LRP1: variants seen among roughly 807,000 people sequenced by gnomAD.
LRP1 encodes prolow-density lipoprotein receptor-related protein 1.
A neutral mutation model predicts 541.5 loss-of-function variants in LRP1; 51 were observed. The ratio of observed to expected loss-of-function variants is 0.09; its 90% CI spans 0.08 to 0.12. The LOEUF (loss-of-function observed/expected upper bound fraction) is 0.12, where lower values mean the gene tolerates loss of function less well. LRP1 is among the 10% of genes least tolerant of loss of function. The pLI, the probability that LRP1 is intolerant of heterozygous loss-of-function variation, is 1.00. For synonymous variants in LRP1, 2,219 were observed against 2,470.8 expected (o/e 0.90, Z 3.02); for missense variants, 3,878 against 6,376.2 (o/e 0.61, Z 13.34).
intron 22 of LRP1, among the ~76,000 whole-genome samples, chr12:57,175,140 G>T (rs1233744324): frequency 6.6e-6 from 1 of 152,142 alleles, no homozygotes; most frequent in Non-Finnish European, 1.5e-5. Flanking sequence ...GAGGCAAAAA[G>T]CTGGGGCCCC....
chr12:57,195,482 G>A lies in LRP1; in HGVS notation c.8437+83G>A, dbSNP rs529337599. The A allele has an allele frequency of 2.0e-4, 321 of 1,583,960 alleles. 1 individual carries two copies. In the African/African-American group the frequency reaches 3.7e-3, roughly 18 times the overall value. Reference sequence around the variant, plus strand: ...CAGATGGGGAAGCCGGGGTGCAGGAGAGGAAATGCCTCAGCGGGGTCCACT... The same window carrying A: ...CAGATGGGGAAGCCGGGGTGCAGGAAAGGAAATGCCTCAGCGGGGTCCACT... On this transcript the variant is annotated intron_variant, in intron 52 of 88. Coordinates refer to ENST00000243077, the MANE Select transcript of LRP1 (RefSeq NM_002332.3).
At chr12:57,193,352 GTCC>G in intron 46 of LRP1, 48 bp downstream of exon 46, 1 of 1,600,442 alleles carries the variant, frequency 6.2e-7, no homozygotes, top group Non-Finnish European at 8.5e-7. Context: ...CAGAGCCCAG[GTCC>G]TCCTCCCCCA....
Position 57,179,119 on chromosome 12 carries a change from C to T in LRP1, c.4738+98C>T, listed in dbSNP as rs929976928. ...TTGTCAGCTAAGGCAGAGTCCCAGT[C>T]GGGAGGGTCCCGATAGGAGAGGCTC... is the stretch of plus-strand genomic sequence containing the variant. On this transcript the variant is annotated intron_variant, in intron 28 of 88. Transcript: ENST00000243077. The surrounding 1 kb of genome is among the most constrained non-coding windows in gnomAD (Gnocchi z 6.8). 3.0e-5 allele frequency: 45 copies of T among 1,496,432 alleles called. No homozygotes were observed. Among genetic ancestry groups the T allele is most frequent in the Admixed American group, 2.5e-4 (12 of 47,694 alleles). 92.7% of individuals were successfully genotyped at this position (1,496,432 alleles called of 1,614,324 possible).
intron 6 of LRP1, among the ~76,000 whole-genome samples, chr12:57,148,317 G>A (rs73342528): frequency 1.4e-3 from 209 of 152,246 alleles, no homozygotes; most frequent in African/African-American, 4.6e-3. Flanking sequence ...AAACAGTAGC[G>A]CAAGCTGTAC....
chr12:57,169,960 A>G (rs1200774796), intron 20 of LRP1, among the ~76,000 whole-genome samples: 1 of 152,236 alleles, frequency 6.6e-6, no homozygotes, highest in South Asian at 2.1e-4. Context: ...ACACTACAGT[A>G]TTAGTTTCTC....
rs1369611454 is a variant in LRP1 at position 57,208,214 on chromosome 12, G to A, written c.12036G>A (p.Arg4012=). Residue 4012 remains arginine (R), a splice_region_variant and synonymous_variant, in exon 77 of 89, where the codon AGG becomes AGA. Coordinates refer to ENST00000243077, the MANE Select transcript of LRP1 (RefSeq NM_002332.3). The part of the protein sequence containing the change: ...EPHAIVVDPL[R]GTMYWSDWGN... ...ACGCCATTGTGGTGGACCCACTGAG[G>A]GGGTGGGCAAGGGCCCTGGGGGGAG... 6.2e-7 allele frequency: 1 copy of A among 1,613,208 alleles called. No individual in the cohort carries two copies. Among genetic ancestry groups the A allele is most frequent in the Admixed American group, 1.7e-5 (1 of 59,962 alleles).
At chr12:57,188,246 C>T (rs1315371129) in intron 42 of LRP1, among the ~76,000 whole-genome samples, 2 of 152,230 alleles carry the variant, frequency 1.3e-5, no homozygotes, top group Non-Finnish European at 2.9e-5. Flanking sequence ...CTGTTTGGGC[C>T]TCTAGTGAGC....
In LRP1 at chr12:57,192,811, T is replaced by C. The variant is rs773358449; in HGVS notation, c.7430-34T>C. On this transcript the variant is annotated intron_variant, in intron 44 of 88. Coordinates refer to ENST00000243077, the MANE Select transcript of LRP1 (RefSeq NM_002332.3). The stretch of plus-strand genomic sequence containing the variant: ...TGGGTGCATGCACAGCAGAGAACAC[T>C]CTCCAGCCCTGCGCCCACCCTGTCC... The C allele has an allele frequency of 3.1e-6, 5 of 1,613,466 alleles. No homozygotes were observed. The African/African-American group carries it at 6.7e-5, about 22-fold the overall frequency.
At position 57,158,638 on chromosome 12, in the gene LRP1, G is replaced by A; in HGVS notation, c.1798G>A (p.Gly600Ser). 1 of 1,613,584 alleles carries A rather than the reference G, an allele frequency of 6.2e-7. No individual in the cohort carries two copies. Among genetic ancestry groups the A allele is most frequent in the South Asian group, 1.1e-5 (1 of 91,046 alleles). ...TGAGCGGGAGACCATCCTGAAGGAC[G>A]GTATGGGCTCCTAGGGATGTGGCCC... ...GTERETILKDGIHNVEGVAVD... is the reference protein window; with the variant it reads ...GTERETILKDSIHNVEGVAVD... Residue 600 changes from glycine (G) to serine (S), a missense_variant and splice_region_variant, in exon 11 of 89, where the codon GGC becomes AGC. By Grantham distance (56) the Gly-to-Ser change is moderately conservative. Coordinates refer to ENST00000243077, the MANE Select transcript of LRP1 (RefSeq NM_002332.3). The surrounding 1 kb of genome is among the most constrained non-coding windows in gnomAD (Gnocchi z 5.3).
Position 57,184,495 on chromosome 12 carries a change from G to T in LRP1, c.6186+43G>T. 6.2e-7 allele frequency: 1 copy of T among 1,612,382 alleles called. No individual in the cohort carries two copies. The highest frequency in any genetic ancestry group is 2.2e-5 in the East Asian group (1 of 44,862). Reference sequence around the variant, plus strand: ...GCCTTGGATCCGATGGTAGACCCCTGACCCAGGCTCCTGTTCCCTGTGATG... The same window carrying T: ...GCCTTGGATCCGATGGTAGACCCCTTACCCAGGCTCCTGTTCCCTGTGATG... On this transcript the variant is annotated intron_variant, in intron 38 of 88. Transcript: ENST00000243077. The surrounding 1 kb of genome is among the most constrained non-coding windows in gnomAD (Gnocchi z 7.8).
chr12:57,208,533 GA>G, intron 77 of LRP1, 177 bp from the exon 78 acceptor site: 1 of 591,886 alleles, frequency 1.7e-6, no homozygotes, highest in Non-Finnish European at 3.0e-6. Flanking sequence ...GGTTTTAGAG[GA>G]AAAGCCCCTC....
Position 57,211,807 on chromosome 12 carries a change from G to C in LRP1, c.13251G>C (p.Gln4417His). 6.2e-7 allele frequency: 1 copy of C among 1,612,702 alleles called. No homozygotes were observed. The change falls in exon 86 of 89, where the codon CAG (glutamine) becomes CAC (histidine). Residue 4417 changes from glutamine to histidine, a missense_variant. Gln to His is a conservative substitution (Grantham distance 24). This residue lies in a region of LRP1 where 871 missense variants were observed against 1,212.4 expected (regional missense o/e 0.72). Transcript: ENST00000243077. This position sits in a 1 kb window ranked among gnomAD's most constrained non-coding sequence, Gnocchi z 4.3. Reference sequence around the variant, plus strand: ...AGGAGCACGTCTTCAGCCAGCAGCAGCCAGGACGTAGGTGGCAGGGGTTGG... The same window carrying C: ...AGGAGCACGTCTTCAGCCAGCAGCACCCAGGACGTAGGTGGCAGGGGTTGG... ...RCEEHVFSQQ[Q>H]PGHIASILIP... is the part of the protein sequence containing the mutation.
rs191369937 is a variant in LRP1, at chr12:57,192,321, C to T, written c.7430-524C>T. 3.3e-5 allele frequency among the ~76,000 whole-genome samples: 5 copies of T among 152,272 alleles called. No individual in the cohort carries two copies. In the East Asian group the frequency reaches 9.7e-4, roughly 29 times the overall value. On this transcript the variant is annotated intron_variant, in intron 44 of 88. Coordinates refer to ENST00000243077, the MANE Select transcript of LRP1 (RefSeq NM_002332.3). Reference sequence around the variant, plus strand: ...GGACTCTGCACACGCCTGGCATCTCCTCCACGTTGCACACACACATTCATG... The same window carrying T: ...GGACTCTGCACACGCCTGGCATCTCTTCCACGTTGCACACACACATTCATG...
chr12:57,144,656 A>G (rs2035362320), intron 4 of LRP1: 1 of 345,704 alleles, frequency 2.9e-6, no homozygotes, highest in East Asian at 5.4e-5. Context: ...TTATCTGAAT[A>G]TAAGTTTCAT....
At position 57,198,450 on chromosome 12, in the gene LRP1, C is replaced by T. The variant is rs761987975; in HGVS notation, c.9471-15C>T. On this transcript the variant is annotated splice_polypyrimidine_tract_variant and intron_variant, in intron 59 of 88. Transcript: ENST00000243077. ...TTACGGGATCTCCCAGGGCTCACTG[C>T]CTACCCATCGCCAGGTACCTGTACT... 5 of 1,612,230 alleles carry T rather than the reference C, an allele frequency of 3.1e-6. No homozygotes were observed. The highest frequency in any genetic ancestry group is 4.2e-6 in the Non-Finnish European group (5 of 1,178,844).
At position 57,178,688 on chromosome 12, in the gene LRP1, A is replaced by C; in HGVS notation, c.4606+85A>C. On this transcript the variant is annotated intron_variant, in intron 27 of 88. Coordinates refer to ENST00000243077, the MANE Select transcript of LRP1 (RefSeq NM_002332.3). The surrounding 1 kb of genome is among the most constrained non-coding windows in gnomAD (Gnocchi z 5.8). ...AGAAGCTCTTAGGAGAGGAGAGGGC[A>C]GTGAGAACAGGAGCAAGTCTGTGCT... The C allele has an allele frequency of 6.3e-7, 1 of 1,585,634 alleles. No homozygotes were observed. Among genetic ancestry groups the C allele is most frequent in the South Asian group, 1.2e-5 (1 of 86,792 alleles).
intron 10 of LRP1, among the ~76,000 whole-genome samples, chr12:57,157,292 G>A (rs975378013): frequency 3.3e-5 from 5 of 152,208 alleles, no homozygotes; most frequent in Non-Finnish European, 5.9e-5. Context: ...AACTTTAGGT[G>A]GTAATAAGTG....
rs12424288 is a variant in LRP1 at position 57,194,872 on chromosome 12, C to A, written c.8192-113C>A. 62 of 1,158,554 alleles carry A rather than the reference C, an allele frequency of 5.4e-5. No homozygotes were observed. In the East Asian group the frequency reaches 1.3e-3, roughly 24 times the overall value. 71.8% of individuals were successfully genotyped at this position (1,158,554 alleles called of 1,614,324 possible). On this transcript the variant is annotated intron_variant, in intron 50 of 88. Coordinates refer to ENST00000243077, the MANE Select transcript of LRP1 (RefSeq NM_002332.3). ...ACTCTGCCTCTAGCTGCTGCTGAGC[C>A]CCCCCACAGAGGGGTGCTGTGGGCA...
Position 57,167,502 on chromosome 12 carries a change from C to T in LRP1, c.2973C>T (p.Asn991=). The T allele has an allele frequency of 6.2e-7, 1 of 1,614,098 alleles. No individual in the cohort carries two copies. Among genetic ancestry groups the T allele is most frequent in the Non-Finnish European group, 8.5e-7 (1 of 1,179,934 alleles). Residue 991 remains asparagine (N), a synonymous_variant, in exon 19 of 89, where the codon AAC becomes AAT. Transcript: ENST00000243077. ...CCTGCAACAATGGCAGATGTATCAA[C>T]ATCAACTGGAGATGCGACAATGGTA... ...QFTCNNGRCI[N]INWRCDNDND...
Sources: gnomAD v4.1 joint callset for allele counts (sites outside exome capture counted in the v4.1 genomes callset) on GRCh38, gnomAD v4.1.1 for gene constraint, gnomAD v4.1.1 regional missense constraint, Gnocchi (gnomAD v3.1) non-coding constraint, MANE v1.5 for transcripts, NCBI Gene and HGNC (gene_info 2026-07-23, HGNC 2026-07-21) for gene names.